PLAGL1: variants seen among roughly 807,000 people sequenced by gnomAD.
PLAGL1 encodes PLAG1 like zinc finger 1, also known as zinc finger protein PLAGL1.
Under a neutral mutation model 4.6 loss-of-function variants are expected in PLAGL1, and 1 was observed. The observed-to-expected ratio is 0.22, with a 90% CI of 0.08 to 1.03. PLAGL1 has a LOEUF of 1.03. Among genes scored for constraint, PLAGL1 ranks in the 50% least tolerant of loss-of-function variants. PLAGL1 has a pLI of 0.58. For synonymous variants in PLAGL1, 240 were observed against 237.8 expected, an observed-to-expected ratio of 1.01 and a Z score of -0.08; for missense variants, 464 against 570.4, an observed-to-expected ratio of 0.81 and a Z score of 1.90.
chr6:143,986,140 C>G (rs1789104470), intron 1 of PLAGL1, among the ~76,000 whole-genome samples: 1 of 151,480 alleles, frequency 6.6e-6, no homozygotes, highest in South Asian at 2.1e-4. Context: ...AATCCTGGAA[C>G]CTGGGACCAG....
At chr6:144,028,510 T>A (rs2128705397) in intron 1 of PLAGL1, among the ~76,000 whole-genome samples, 1 of 152,268 alleles carries the variant, frequency 6.6e-6, no homozygotes, top group South Asian at 2.1e-4. Context: ...GTCAAATCAC[T>A]AATAATTTTA....
rs531365574 is a variant in PLAGL1 at position 144,015,807 on chromosome 6, G to A, written c.-150-46829C>T. The stretch of plus-strand genomic sequence containing the variant: ...AATATAAAATGATACAGCCACTTTG[G>A]AAAACAGTTTGAAAGTTTCTTATAA... On this transcript the variant is annotated intron_variant, in intron 1 of 3. Coordinates refer to the PLAGL1 transcript ENST00000437412. The surrounding 1 kb of genome is among the most constrained non-coding windows in gnomAD (Gnocchi z 4.3). Among the ~76,000 whole-genome samples the A allele has an allele frequency of 1.4e-4, 22 of 152,186 alleles. No individual in the cohort carries two copies. The highest frequency in any genetic ancestry group is 3.2e-4 in the Non-Finnish European group (22 of 68,024).
upstream of PLAGL1, among the ~76,000 whole-genome samples, chr6:144,009,924 GC>G (rs1795030070): frequency 2.6e-5 from 4 of 152,270 alleles, no homozygotes; most frequent in Admixed American, 2.6e-4. Flanking sequence ...ATCACCAATG[GC>G]CATTTGGGTT....
In PLAGL1 at chr6:144,022,280, T is replaced by C. The variant is rs2128699387; in HGVS notation, c.-151+42188A>G. Among the ~76,000 whole-genome samples, 1 of 152,354 alleles carries C rather than the reference T, an allele frequency of 6.6e-6. No individual in the cohort carries two copies. Among genetic ancestry groups the C allele is most frequent in the South Asian group, 2.1e-4 (1 of 4,826 alleles). On this transcript the variant is annotated intron_variant, in intron 1 of 3. Coordinates refer to the PLAGL1 transcript ENST00000437412. The surrounding 1 kb of genome is among the most constrained non-coding windows in gnomAD (Gnocchi z 4.2). ...GAGATATGTAGATGGCATGTAAGCA[T>C]ATGAAAAGATGTTCAGCATCATTTG... is the stretch of plus-strand genomic sequence containing the variant.
chr6:143,987,437 C>T (rs368500140), intron 1 of PLAGL1, among the ~76,000 whole-genome samples: 74 of 73,934 alleles, frequency 1.0e-3, no homozygotes, highest in Admixed American at 2.0e-3. Flanking sequence ...ACCACACTGG[C>T]TTTTTTTTTT....
In PLAGL1 at chr6:143,953,117, C is replaced by T. The variant is rs1781410275; in HGVS notation, c.-324-4657G>A. 6.6e-6 allele frequency among the ~76,000 whole-genome samples: 1 copy of T among 152,212 alleles called. No individual in the cohort carries two copies. The highest frequency in any genetic ancestry group is 1.5e-5 in the Non-Finnish European group (1 of 68,034). The stretch of plus-strand genomic sequence containing the variant: ...TGGGAACCCTTGTCTACCTGGCAAA[C>T]TTCTACTTTTCTCTGTCACTGCCAG... On this transcript the variant is annotated intron_variant, in intron 6 of 7. Transcript: ENST00000674357. This position sits in a 1 kb window ranked among gnomAD's most constrained non-coding sequence, Gnocchi z 5.3.
In PLAGL1 at chr6:144,039,864, T is replaced by A. The variant is rs1157367992; in HGVS notation, c.-151+24604A>T. ...TTTGTAGTAGCAAAAGGCCAAAAGGTCTATCAACAAGAAAATTAATACATT... is the reference window on the plus strand; with the variant it reads ...TTTGTAGTAGCAAAAGGCCAAAAGGACTATCAACAAGAAAATTAATACATT... On this transcript the variant is annotated intron_variant, in intron 1 of 3. Transcript: ENST00000437412. This position sits in a 1 kb window ranked among gnomAD's most constrained non-coding sequence, Gnocchi z 4.1. Among the ~76,000 whole-genome samples, 1 of 152,088 alleles carries A rather than the reference T, an allele frequency of 6.6e-6. No homozygotes were observed. Among genetic ancestry groups the A allele is most frequent in the Non-Finnish European group, 1.5e-5 (1 of 68,012 alleles).
chr6:143,946,691 T>A (rs1422184134), intron 7 of PLAGL1, among the ~76,000 whole-genome samples: 1 of 152,260 alleles, frequency 6.6e-6, no homozygotes, highest in Non-Finnish European at 1.5e-5. Flanking sequence ...TTTCATAATG[T>A]GGTCTATGGT....
intron 1 of PLAGL1, among the ~76,000 whole-genome samples, chr6:144,049,518 A>G (rs1198290157): frequency 6.6e-6 from 1 of 152,222 alleles, no homozygotes; most frequent in Non-Finnish European, 1.5e-5. Flanking sequence ...TCATGGTGGA[A>G]AGCAAAGAGG....
intron 1 of PLAGL1, among the ~76,000 whole-genome samples, chr6:144,049,001 T>A (rs1026651648): frequency 1.3e-5 from 2 of 152,262 alleles, no homozygotes; most frequent in Non-Finnish European, 2.9e-5. Flanking sequence ...ACCTCTTGAA[T>A]GCTTTGCTGC....
intron 1 of PLAGL1, among the ~76,000 whole-genome samples, chr6:144,003,744 G>T (rs898136274): frequency 5.3e-5 from 8 of 151,844 alleles, no homozygotes; most frequent in Non-Finnish European, 7.4e-5. Context: ...TTAACAAAAA[G>T]GTAACCTAAT....
At chr6:144,043,571 G>T (rs994344934) in intron 1 of PLAGL1, among the ~76,000 whole-genome samples, 7 of 152,040 alleles carry the variant, frequency 4.6e-5, no homozygotes, top group African/African-American at 1.7e-4. Flanking sequence ...GCTGGATTTG[G>T]TTTGCCAGTA....
intron 1 of PLAGL1, among the ~76,000 whole-genome samples, chr6:143,998,368 T>C (rs1583556500): frequency 6.6e-6 from 1 of 152,242 alleles, no homozygotes; most frequent in East Asian, 1.9e-4. Flanking sequence ...CAGTATGGCA[T>C]AGAAGAAAGA....
rs568556138 is a variant in PLAGL1, at chr6:143,966,823, A to C, written c.-471-625T>G. 1.3e-5 allele frequency: 2 copies of C among 152,244 alleles called. No individual in the cohort carries two copies. Among genetic ancestry groups the C allele is most frequent in the African/African-American group, 4.8e-5 (2 of 41,536 alleles). 9.4% of individuals were successfully genotyped at this position (152,244 alleles called of 1,614,324 possible). A position where few individuals can be genotyped will look rare whatever the true frequency, so the allele number is the denominator to read the frequency against. ...TATGTTATGATCCCCGCCTCCCTTC[A>C]TCCCCCACTGCTTTCATTTTAATTT... On this transcript the variant is annotated intron_variant, in intron 3 of 7. Coordinates refer to ENST00000674357, the MANE Select transcript of PLAGL1 (RefSeq NM_001317162.2). This position sits in a 1 kb window ranked among gnomAD's most constrained non-coding sequence, Gnocchi z 6.0.
rs1782016796 is a variant in PLAGL1, at chr6:143,955,886, G to A, written c.-325+4583C>T. Among the ~76,000 whole-genome samples, 2 of 152,162 alleles carry A rather than the reference G, an allele frequency of 1.3e-5. No homozygotes were observed. The highest frequency in any genetic ancestry group is 6.5e-5 in the Admixed American group (1 of 15,282). On this transcript the variant is annotated intron_variant, in intron 6 of 7. Transcript: ENST00000674357. This position sits in a 1 kb window ranked among gnomAD's most constrained non-coding sequence, Gnocchi z 4.9. ...TCTGTAAACAGAATAACTGGATTAG[G>A]ACTGAGGTTAGGGGAAAGAGGGAAT...
At position 143,950,598 on chromosome 6, in the gene PLAGL1, C is replaced by G. The variant is rs899311388; in HGVS notation, c.-324-2138G>C. Among the ~76,000 whole-genome samples, 6 of 152,326 alleles carry G rather than the reference C, an allele frequency of 3.9e-5. 1 individual carries two copies. The East Asian group carries it at 9.6e-4, about 24-fold the overall frequency. The stretch of plus-strand genomic sequence containing the variant: ...CAGAGTATGAAGTTTGAAAATGCAT[C>G]TTTTTCTCATTCCCTTTATAGCTGA... On this transcript the variant is annotated intron_variant, in intron 6 of 7. Transcript: ENST00000674357. The surrounding 1 kb of genome is among the most constrained non-coding windows in gnomAD (Gnocchi z 6.3).
chr6:143,963,725 C>T lies in PLAGL1; in HGVS notation c.-399+1062G>A, dbSNP rs1783863316. Among the ~76,000 whole-genome samples, 1 of 152,232 alleles carries T rather than the reference C, an allele frequency of 6.6e-6. No homozygotes were observed. Among genetic ancestry groups the T allele is most frequent in the African/African-American group, 2.4e-5 (1 of 41,448 alleles). On this transcript the variant is annotated intron_variant, in intron 5 of 7. Coordinates refer to ENST00000674357, the MANE Select transcript of PLAGL1 (RefSeq NM_001317162.2). This position sits in a 1 kb window ranked among gnomAD's most constrained non-coding sequence, Gnocchi z 6.1. ...GTCTAGATTGTTCTCAGAGATTAAG[C>T]TTTACAACTTTATTGTCTCTCAAAT... is the stretch of plus-strand genomic sequence containing the variant.
In PLAGL1 at chr6:144,004,142, A is replaced by G. The variant is rs1793610454; in HGVS notation, c.-584+3948T>C. Among the ~76,000 whole-genome samples, 1 of 152,094 alleles carries G rather than the reference A, an allele frequency of 6.6e-6. No individual in the cohort carries two copies. The highest frequency in any genetic ancestry group is 1.9e-4 in the East Asian group (1 of 5,202). On this transcript the variant is annotated intron_variant, in intron 1 of 7. Coordinates refer to ENST00000674357, the MANE Select transcript of PLAGL1 (RefSeq NM_001317162.2). The surrounding 1 kb of genome is among the most constrained non-coding windows in gnomAD (Gnocchi z 4.2). ...TTGTGGGCCATATGGCCTCTATAAC[A>G]ACTACTCAACTCTGCCAAATGGGGA...
Position 144,024,535 on chromosome 6 carries a change from G to A in PLAGL1, c.-151+39933C>T, listed in dbSNP as rs1470578252. Among the ~76,000 whole-genome samples, 7 of 152,288 alleles carry A rather than the reference G, an allele frequency of 4.6e-5. No individual in the cohort carries two copies. In the South Asian group the frequency reaches 6.2e-4, roughly 14 times the overall value. On this transcript the variant is annotated intron_variant, in intron 1 of 3. Coordinates refer to the PLAGL1 transcript ENST00000437412. ...TCTCTTGCCTGCCGCCATGTAAGAC[G>A]TTCCATGCACTTCTGCCATTATTGT...
Sources: gnomAD v4.1 joint callset for allele counts (sites outside exome capture counted in the v4.1 genomes callset) on GRCh38, gnomAD v4.1.1 for gene constraint, Gnocchi (gnomAD v3.1) non-coding constraint, MANE v1.5 for transcripts, NCBI Gene and HGNC (gene_info 2026-07-23, HGNC 2026-07-21) for gene names.